Variants in MBTPS2 observed in about 807,000 individuals in gnomAD.
MBTPS2 encodes the protein membrane bound transcription factor peptidase, site 2.
A neutral mutation model predicts 35.4 loss-of-function variants in MBTPS2; 2 were observed. That is an observed-to-expected ratio of 0.06 (90% confidence interval 0.02 to 0.18). The LOEUF (loss-of-function observed/expected upper bound fraction) is 0.18, where lower values mean the gene tolerates loss of function less well. Ranked by LOEUF, MBTPS2 falls within the 10% of genes least tolerant of loss-of-function variation. MBTPS2 has a pLI of 1.00. For synonymous variants in MBTPS2, 125 were observed against 140.4 expected (o/e 0.89, Z 0.77); for missense variants, 244 against 386.5 (o/e 0.63, Z 3.09).
Position 21,851,575 on chromosome X carries a change from G to A in MBTPS2, c.505G>A (p.Val169Ile). Residue 169 changes from valine (V) to isoleucine (I), a missense_variant, in exon 4 of 11, where the codon GTT becomes ATT. Coordinates refer to ENST00000379484, the MANE Select transcript of MBTPS2 (RefSeq NM_015884.4). ...YFFTAVLISG[V>I]VHEIGHGIAA... ...CTTCACGGCAGTTCTCATTAGTGGT[G>A]TTGTACATGAAATTGGACATGGGAT... The A allele has an allele frequency of 8.3e-7, 1 of 1,205,161 alleles. No homozygotes were observed. The highest frequency in any genetic ancestry group is 1.1e-6 in the Non-Finnish European group (1 of 889,757).
chrX:21,862,937 T>TATATATATATAAAC (rs2092934270), intron 5 of MBTPS2, among the ~76,000 whole-genome samples: 1 of 26,534 alleles, frequency 3.8e-5, no homozygotes, highest in Non-Finnish European at 5.6e-5. Flanking sequence ...TATAAACATA[T>TATATATATATAAAC]ATATATATAT....
At position 21,883,003 on chromosome X, in the gene MBTPS2, A is replaced by T; in HGVS notation, c.*348A>T. 1 of 838,239 alleles carries T rather than the reference A, an allele frequency of 1.2e-6. No homozygotes were observed. Among genetic ancestry groups the T allele is most frequent in the Non-Finnish European group, 1.4e-6 (1 of 690,840 alleles). 69.1% of individuals were successfully genotyped at this position (838,239 alleles called of 1,213,427 possible). A position where few individuals can be genotyped will look rare whatever the true frequency, so the allele number is the denominator to read the frequency against. ...AAGGAGAACAGAACTGGGTGGAATT[A>T]ATTGGGAAAAACTTCTTACAAAAGC... On this transcript the variant is annotated 3_prime_UTR_variant, in exon 11 of 11. Coordinates refer to ENST00000379484, the MANE Select transcript of MBTPS2 (RefSeq NM_015884.4).
chrX:21,860,472 TA>T (rs1482644831), intron 5 of MBTPS2, among the ~76,000 whole-genome samples: 1 of 112,128 alleles, frequency 8.9e-6, no homozygotes, highest in African/African-American at 3.2e-5. Context: ...GTAGAAAAAG[TA>T]AAAGTTTATA....
In MBTPS2 at chrX:21,883,591, C is replaced by T; in HGVS notation, c.*936C>T. On this transcript the variant is annotated 3_prime_UTR_variant, in exon 11 of 11. Transcript: ENST00000379484. ...TGCTCAGGACATCTGGGGCCTAGCT[C>T]CTGGGTTCCTGTCTCCAAGAAGCAA... 11 of 753,904 alleles carry T rather than the reference C, an allele frequency of 1.5e-5. No homozygotes were observed. The highest frequency in any genetic ancestry group is 1.6e-5 in the Non-Finnish European group (10 of 639,197). 62.1% of individuals were successfully genotyped at this position (753,904 alleles called of 1,213,427 possible).
chrX:21,865,816 A>G (rs773746916), intron 5 of MBTPS2, among the ~76,000 whole-genome samples: 1 of 112,102 alleles, frequency 8.9e-6, no homozygotes, highest in Non-Finnish European at 1.9e-5. Context: ...ATTATTTGCA[A>G]ACCACACTAA....
chrX:21,878,100 G>C lies in MBTPS2; in HGVS notation c.1029G>C (p.Val343=). Residue 343 remains valine (V), a synonymous_variant, in exon 8 of 11, where the codon GTG becomes GTC. Transcript: ENST00000379484. ...ECCNNHSLTD[V]CFSYRNNFNK... Reference sequence around the variant, plus strand: ...GTAACAATCACAGCCTCACAGATGTGTGCTTTTCCTACAGAAATAATTTTA... The same window carrying C: ...GTAACAATCACAGCCTCACAGATGTCTGCTTTTCCTACAGAAATAATTTTA... 1.7e-6 allele frequency: 2 copies of C among 1,207,824 alleles called. No individual in the cohort carries two copies. Among genetic ancestry groups the C allele is most frequent in the Non-Finnish European group, 2.2e-6 (2 of 891,897 alleles).
At chrX:21,863,634 C>T (rs1264384548) in intron 5 of MBTPS2, among the ~76,000 whole-genome samples, 2 of 111,606 alleles carry the variant, frequency 1.8e-5, no homozygotes, top group Non-Finnish European at 3.8e-5. Flanking sequence ...ACTTCTTTTT[C>T]CTTAAAATTG....
chrX:21,845,300 TTCCTCTTCC>T lies in MBTPS2; in HGVS notation c.363_371del (p.Ser134_Ser136del). On this transcript the variant is annotated inframe_deletion, in exon 3 of 11. Transcript: ENST00000379484. ...CCTCTTCTTATTCTTCCTCCTCTTC[TTCCTCTTCC>T]TCCTCTTCTTCCTCTTCCTCTTCTT... 1 of 1,195,212 alleles carries T rather than the reference TTCCTCTTCC, an allele frequency of 8.4e-7. No individual in the cohort carries two copies. The highest frequency in any genetic ancestry group is 1.1e-6 in the Non-Finnish European group (1 of 880,824).
intron 5 of MBTPS2, among the ~76,000 whole-genome samples, chrX:21,855,180 TA>T (rs942845036): frequency 2.7e-5 from 3 of 109,254 alleles, no homozygotes; most frequent in Non-Finnish European, 5.7e-5. Flanking sequence ...CAAGAGCTCT[TA>T]AAAAAAAATC....
At chrX:21,867,973 G>A in intron 5 of MBTPS2, among the ~76,000 whole-genome samples, 1 of 111,576 alleles carries the variant, frequency 9.0e-6, no homozygotes, top group Middle Eastern at 4.6e-3. Context: ...TTTATAGTCT[G>A]TGACGTGATG....
rs778232730 is a variant in MBTPS2, at chrX:21,839,779, T to A, written c.45T>A (p.Thr15=). The part of the protein sequence containing the change: ...SLVVVVVGGW[T]VVYLTDLVLK... Reference sequence around the variant, plus strand: ...TGGTGGTGGTGGTGGGTGGCTGGACTGTCGTCTACCTGACCGACTTGGTGC... The same window carrying A: ...TGGTGGTGGTGGTGGGTGGCTGGACAGTCGTCTACCTGACCGACTTGGTGC... Residue 15 remains threonine (T), a synonymous_variant, in exon 1 of 11, where the codon ACT becomes ACA. Coordinates refer to ENST00000379484, the MANE Select transcript of MBTPS2 (RefSeq NM_015884.4). The A allele has an allele frequency of 8.4e-6, 10 of 1,196,154 alleles. No homozygotes were observed. Among genetic ancestry groups the A allele is most frequent in the Non-Finnish European group, 1.1e-5 (10 of 887,418 alleles).
At chrX:21,875,003 A>G (rs777154075) in intron 7 of MBTPS2, among the ~76,000 whole-genome samples, 1 of 112,797 alleles carries the variant, frequency 8.9e-6, no homozygotes, top group Non-Finnish European at 1.9e-5. Context: ...AAATAGTGAT[A>G]GAGAAATATC....
At chrX:21,847,804 G>C (rs778936080) in intron 3 of MBTPS2, among the ~76,000 whole-genome samples, 1 of 111,931 alleles carries the variant, frequency 8.9e-6, no homozygotes, top group East Asian at 2.8e-4. Flanking sequence ...AAAGATGTCT[G>C]ACAACTTAGG....
Position 21,857,635 on chromosome X carries a change from T to TA in MBTPS2, c.670+4133dup, listed in dbSNP as rs1355508321. The stretch of plus-strand genomic sequence containing the variant: ...GAAGACCCCTCTCAGACTTGGGAAT[T>TA]ATCTTCCAGGACTGCGGTAGGGAAT... On this transcript the variant is annotated intron_variant, in intron 5 of 10. Transcript: ENST00000379484. 10 of 1,170,149 alleles carry TA rather than the reference T, an allele frequency of 8.5e-6. No individual in the cohort carries two copies. In the Admixed American group the frequency reaches 2.4e-4, roughly 29 times the overall value.
chrX:21,869,058 G>A (rs1242257900), intron 6 of MBTPS2, among the ~76,000 whole-genome samples: 1 of 112,283 alleles, frequency 8.9e-6, no homozygotes, highest in Non-Finnish European at 1.9e-5. Context: ...ACATTAGAAA[G>A]AGGAAAATTA....
Position 21,875,906 on chromosome X carries a change from T to C in MBTPS2, c.971-2136T>C, listed in dbSNP as rs148001615. ...AAGATGGACATGGACCTCAGCACCA[T>C]AGAATAGAAGGTGGTCAAGGAACTG... On this transcript the variant is annotated intron_variant, in intron 7 of 10. Coordinates refer to ENST00000379484, the MANE Select transcript of MBTPS2 (RefSeq NM_015884.4). 7.2e-3 allele frequency among the ~76,000 whole-genome samples: 804 copies of C among 111,922 alleles called. 8 individuals are homozygous for C. The highest frequency in any genetic ancestry group is 0.025 in the African/African-American group (763 of 30,794).
intron 7 of MBTPS2, among the ~76,000 whole-genome samples, chrX:21,877,836 G>A (rs1215150840): frequency 2.7e-5 from 3 of 112,163 alleles, no homozygotes; most frequent in African/African-American, 9.7e-5. Context: ...TAGGGTAACT[G>A]CTGCTTCATG....
intron 3 of MBTPS2, 33 bp downstream of exon 3, chrX:21,845,417 C>T (rs751265531): frequency 8.7e-6 from 10 of 1,148,036 alleles, no homozygotes; most frequent in Middle Eastern, 2.6e-4. Context: ...AAATAACTAT[C>T]GAAATAGAGA....
intron 3 of MBTPS2, among the ~76,000 whole-genome samples, chrX:21,848,772 A>T (rs1447721500): frequency 1.8e-5 from 2 of 112,314 alleles, no homozygotes; most frequent in Non-Finnish European, 3.8e-5. Context: ...CTTGGAATTA[A>T]TGGAATTTAG....
Sources: gnomAD v4.1 joint callset for allele counts (sites outside exome capture counted in the v4.1 genomes callset) on GRCh38, gnomAD v4.1.1 for gene constraint, MANE v1.5 for transcripts, NCBI Gene and HGNC (gene_info 2026-07-23, HGNC 2026-07-21) for gene names.